Variants in FRYL observed in about 807,000 individuals in gnomAD.
FRYL encodes protein furry homolog-like.
FRYL carries 150 observed loss-of-function variants against 351.2 expected under a neutral mutation model. That is an observed-to-expected ratio of 0.43 (90% CI 0.37 to 0.49). FRYL has a LOEUF of 0.49. Among genes scored for constraint, FRYL ranks in the 20% least tolerant of loss-of-function variants. The pLI, the probability that FRYL is intolerant of heterozygous loss-of-function variation, is 0.00. For synonymous variants in FRYL, 1,153 were observed against 1,257.1 expected, an observed-to-expected ratio of 0.92 and a Z score of 1.75; for missense variants, 3,036 against 3,619.3, an observed-to-expected ratio of 0.84 and a Z score of 4.13.
At chr4:48,502,795 T>A in intron 61 of FRYL, 33 bp downstream of exon 61, 1 of 1,580,922 alleles carries the variant, frequency 6.3e-7, no homozygotes, top group Non-Finnish European at 8.7e-7. Context: ...CTGGCAAGGG[T>A]GAGTAGTCTA....
Position 48,626,336 on chromosome 4 carries a change from G to A in FRYL, c.121-3157C>T, listed in dbSNP as rs569810949. The stretch of plus-strand genomic sequence containing the variant: ...TTTAAAGATATCTTAAGAACTATTC[G>A]CTCTGTAACAAAAACATTATCTGAA... On this transcript the variant is annotated intron_variant, in intron 4 of 63. Transcript: ENST00000358350. Among the ~76,000 whole-genome samples the A allele has an allele frequency of 5.2e-4, 79 of 151,698 alleles. 1 individual carries two copies. Among genetic ancestry groups the A allele is most frequent in the African/African-American group, 1.8e-3 (76 of 41,366 alleles).
chr4:48,564,664 T>C (rs562585556), intron 30 of FRYL, among the ~76,000 whole-genome samples: 1 of 152,336 alleles, frequency 6.6e-6, no homozygotes, highest in South Asian at 2.1e-4. Context: ...ATTTTATTTA[T>C]TGACTTAGAA....
intron 60 of FRYL, 93 bp from the exon 61 acceptor site, chr4:48,502,938 G>T: frequency 2.1e-6 from 2 of 943,140 alleles, no homozygotes; most frequent in Non-Finnish European, 3.4e-6. Flanking sequence ...GGTCACAGAT[G>T]TTCCAGGTAA....
intron 1 of FRYL, among the ~76,000 whole-genome samples, chr4:48,752,929 C>A (rs551450720): frequency 6.6e-6 from 1 of 152,194 alleles, no homozygotes; most frequent in African/African-American, 2.4e-5. Flanking sequence ...CCAGGGAAAT[C>A]AGGTGGCGCC....
chr4:48,713,648 T>G (rs1333085574), intron 1 of FRYL, among the ~76,000 whole-genome samples: 1 of 152,060 alleles, frequency 6.6e-6, no homozygotes, highest in Non-Finnish European at 1.5e-5. Context: ...ACAAAGAGAC[T>G]TAGACTCCCA....
chr4:48,633,761 T>C (rs927709166), intron 4 of FRYL, among the ~76,000 whole-genome samples: 1 of 152,208 alleles, frequency 6.6e-6, no homozygotes, highest in African/African-American at 2.4e-5. Context: ...ACCCCTTTCA[T>C]TCCAGCCTGA....
chr4:48,576,304 C>CTTTT, intron 23 of FRYL, 82 bp from the exon 24 acceptor site: 10 of 769,436 alleles, frequency 1.3e-5, no homozygotes, highest in South Asian at 4.7e-5. Flanking sequence ...TGCTAAATTT[C>CTTTT]TTTTTTTTTT....
At chr4:48,675,268 T>G (rs1763410917) in intron 3 of FRYL, among the ~76,000 whole-genome samples, 1 of 152,188 alleles carries the variant, frequency 6.6e-6, no homozygotes, top group African/African-American at 2.4e-5. Flanking sequence ...AGCCCACCAC[T>G]GCACTGTGGG....
chr4:48,771,574 T>C (rs1410535833), intron 1 of FRYL, among the ~76,000 whole-genome samples: 3 of 152,200 alleles, frequency 2.0e-5, no homozygotes, highest in Non-Finnish European at 4.4e-5. Flanking sequence ...TTTAGAGGTT[T>C]ATTATTCAGA....
intron 44 of FRYL, among the ~76,000 whole-genome samples, chr4:48,542,337 A>C (rs193092302): frequency 5.3e-5 from 8 of 152,362 alleles, no homozygotes; most frequent in Non-Finnish European, 1.0e-4. Flanking sequence ...AAAATTGCTC[A>C]GGTCAGAAAT....
rs986341093 is a variant in FRYL, at chr4:48,580,682, C to T, written c.2259+183G>A. On this transcript the variant is annotated intron_variant, in intron 22 of 63. Transcript: ENST00000358350. The stretch of plus-strand genomic sequence containing the variant: ...ATTTCTATGTAGAAGAGTACTTAAC[C>T]AAGTATAAATGAATGTCACTTTTTA... 10 of 469,410 alleles carry T rather than the reference C, an allele frequency of 2.1e-5. No individual in the cohort carries two copies. In the Admixed American group the frequency reaches 3.9e-4, roughly 18 times the overall value. The allele number at this position is 469,410 out of a possible 1,614,324, so 29.1% of individuals were successfully genotyped here. A position where few individuals can be genotyped will look rare whatever the true frequency, so the allele number is the denominator to read the frequency against.
intron 1 of FRYL, among the ~76,000 whole-genome samples, chr4:48,754,940 C>T (rs1336942025): frequency 6.6e-6 from 1 of 152,130 alleles, no homozygotes; most frequent in African/African-American, 2.4e-5. Context: ...CTGCACCCGG[C>T]CCTGAATCGT....
chr4:48,527,004 T>C (rs1025875002), intron 53 of FRYL, among the ~76,000 whole-genome samples: 12 of 152,142 alleles, frequency 7.9e-5, no homozygotes, highest in African/African-American at 2.9e-4. Flanking sequence ...TAAGTGTGTA[T>C]ATGAGTAGTA....
intron 3 of FRYL, among the ~76,000 whole-genome samples, chr4:48,640,569 G>GT (rs1755123042): frequency 6.6e-6 from 1 of 152,118 alleles, no homozygotes; most frequent in Non-Finnish European, 1.5e-5. Context: ...ATAGTATATG[G>GT]TGGATACATG....
In FRYL at chr4:48,634,306, T is replaced by C; in HGVS notation, c.105A>G (p.Val35=). 6.2e-7 allele frequency: 1 copy of C among 1,613,330 alleles called. No homozygotes were observed. The highest frequency in any genetic ancestry group is 8.5e-7 in the Non-Finnish European group (1 of 1,179,340). The change falls in exon 4 of 64, where the codon GTA becomes GTG. Residue 35 remains valine (V), a synonymous_variant. Transcript: ENST00000358350. ...AVQAEKKIEV[V]MAEPLEKLLS... ...CTGTACTCACCAAGGGTTCGGCCAT[T>C]ACAACTTCAATTTTCTTTTCAGCTT...
chr4:48,721,354 ATTT>A (rs111383761), intron 1 of FRYL, among the ~76,000 whole-genome samples: 1 of 142,928 alleles, frequency 7.0e-6, no homozygotes. Flanking sequence ...CTATATGTAG[ATTT>A]TTTTTTTTTT....
chr4:48,651,252 GT>G, intron 3 of FRYL, among the ~76,000 whole-genome samples: 1 of 104,166 alleles, frequency 9.6e-6, no homozygotes, highest in Non-Finnish European at 2.0e-5. Context: ...GTGTGTGTGT[GT>G]GTGTGTAGTG....
intron 15 of FRYL, among the ~76,000 whole-genome samples, chr4:48,594,668 A>G (rs1216305187): frequency 1.3e-5 from 2 of 152,230 alleles, no homozygotes; most frequent in African/African-American, 4.8e-5. Context: ...TTCTATTTAA[A>G]TATTCTTTAT....
At chr4:48,632,110 A>ATATATATATG (rs1560753963) in intron 4 of FRYL, among the ~76,000 whole-genome samples, 1 of 94,756 alleles carries the variant, frequency 1.1e-5, no homozygotes, top group Non-Finnish European at 2.0e-5. Context: ...ATATATATAT[A>ATATATATATG]TATATATATA....
Sources: gnomAD v4.1 joint callset for allele counts (sites outside exome capture counted in the v4.1 genomes callset) on GRCh38, gnomAD v4.1.1 for gene constraint, MANE v1.5 for transcripts, NCBI Gene and HGNC (gene_info 2026-07-23, HGNC 2026-07-21) for gene names.